The following NAV2 variants were observed in gnomAD, a reference collection of about 807,000 sequenced individuals.
NAV2 encodes the protein helicase, APC down-regulated 1.
In NAV2, 54 loss-of-function variants were observed where a neutral mutation model predicts 223.2. The observed-to-expected ratio is 0.24, with a 90% CI of 0.19 to 0.30. The LOEUF is 0.30. Among genes scored for constraint, NAV2 ranks in the 10% least tolerant of loss-of-function variants. NAV2 has a pLI of 1.00. For synonymous variants in NAV2, 1,279 were observed against 1,239.3 expected (o/e 1.03, Z -0.67); for missense variants, 2,806 against 3,147.5 (o/e 0.89, Z 2.60).
rs929149046 is a variant in NAV2, at chr11:19,462,896, A to G, written c.75+111869A>G. On this transcript the variant is annotated intron_variant, in intron 1 of 37. Coordinates refer to the NAV2 transcript ENST00000360655. Reference sequence around the variant, plus strand: ...GCCTCACTGCCCAGAAATTTTCCCTATATCAGCTCTGTTTCCAGGTGGGCC... The same window carrying G: ...GCCTCACTGCCCAGAAATTTTCCCTGTATCAGCTCTGTTTCCAGGTGGGCC... Among the ~76,000 whole-genome samples, 3 of 152,298 alleles carry G rather than the reference A, an allele frequency of 2.0e-5. No individual in the cohort carries two copies. In the East Asian group the frequency reaches 5.8e-4, roughly 29 times the overall value.
chr11:20,005,264 T>C (rs1172607557), intron 11 of NAV2, among the ~76,000 whole-genome samples: 1 of 149,420 alleles, frequency 6.7e-6, no homozygotes, highest in East Asian at 2.0e-4. Context: ...TTTTTTTTTT[T>C]TTTTGAGATG....
At chr11:19,552,599 A>G (rs895229872) in intron 1 of NAV2, among the ~76,000 whole-genome samples, 2 of 152,212 alleles carry the variant, frequency 1.3e-5, no homozygotes, top group African/African-American at 4.8e-5. Context: ...TCACAAGGCC[A>G]TGGAACAACA....
chr11:19,921,094 C>T (rs943463358), intron 6 of NAV2, among the ~76,000 whole-genome samples: 7 of 152,162 alleles, frequency 4.6e-5, no homozygotes, highest in African/African-American at 1.4e-4. Flanking sequence ...AAGAAGACAA[C>T]TGTCAGGTGA....
chr11:19,624,419 G>A (rs930355455), intron 1 of NAV2, among the ~76,000 whole-genome samples: 2 of 152,120 alleles, frequency 1.3e-5, no homozygotes, highest in Non-Finnish European at 1.5e-5. Flanking sequence ...CGAGCTTCCT[G>A]GCCACTTTGT....
At chr11:19,923,535 G>T (rs1271606902) in intron 6 of NAV2, among the ~76,000 whole-genome samples, 1 of 152,192 alleles carries the variant, frequency 6.6e-6, no homozygotes, top group Admixed American at 6.5e-5. Flanking sequence ...CCTATTTGGG[G>T]CTGCCCATCC....
intron 1 of NAV2, among the ~76,000 whole-genome samples, chr11:19,740,579 A>C (rs10766585): frequency 0.35 from 53,025 of 152,046 alleles, 10,150 homozygotes; most frequent in Middle Eastern, 0.46. Context: ...AAAAATAAAA[A>C]TAAAAATAAA....
At chr11:19,446,865 A>C (rs888832990) in intron 1 of NAV2, among the ~76,000 whole-genome samples, 1 of 152,154 alleles carries the variant, frequency 6.6e-6, no homozygotes, top group African/African-American at 2.4e-5. Context: ...ACAGATGTTG[A>C]TGTAGCCTGG....
chr11:19,396,865 G>C (rs1849470627), intron 1 of NAV2, among the ~76,000 whole-genome samples: 1 of 152,324 alleles, frequency 6.6e-6, no homozygotes, highest in South Asian at 2.1e-4. Flanking sequence ...CATGCTACCA[G>C]GCAAGGCATC....
At chr11:19,449,069 A>C (rs1029134128) in intron 1 of NAV2, among the ~76,000 whole-genome samples, 5 of 152,164 alleles carry the variant, frequency 3.3e-5, no homozygotes, top group Admixed American at 3.3e-4. Flanking sequence ...GCCTTGAGCA[A>C]GGCCTGAAAT....
At chr11:19,507,523 C>G (rs191486329) in intron 1 of NAV2, among the ~76,000 whole-genome samples, 9 of 152,284 alleles carry the variant, frequency 5.9e-5, no homozygotes, top group Non-Finnish European at 1.0e-4. Context: ...GGGTTTGAAT[C>G]TGCACTGTGT....
chr11:19,799,224 G>C (rs558853048), intron 1 of NAV2, among the ~76,000 whole-genome samples: 70 of 152,318 alleles, frequency 4.6e-4, no homozygotes, highest in African/African-American at 1.7e-3. Flanking sequence ...AGACCCTGCT[G>C]CTTCATCTTC....
chr11:20,057,724 G>A (rs2058454395), intron 19 of NAV2, among the ~76,000 whole-genome samples: 1 of 152,190 alleles, frequency 6.6e-6, no homozygotes, highest in Non-Finnish European at 1.5e-5. Context: ...ACCACGTCCA[G>A]TACTGAAACT....
At chr11:19,885,808 T>G (rs2040917378) in intron 5 of NAV2, among the ~76,000 whole-genome samples, 1 of 152,250 alleles carries the variant, frequency 6.6e-6, no homozygotes, top group Admixed American at 6.5e-5. Flanking sequence ...AAATCCATAC[T>G]CATGTCTGTC....
At chr11:19,625,933 C>A (rs1158280312) in intron 1 of NAV2, among the ~76,000 whole-genome samples, 2 of 151,966 alleles carry the variant, frequency 1.3e-5, no homozygotes, top group Non-Finnish European at 1.5e-5. Flanking sequence ...TGGATATTGA[C>A]CCCTTGTCAG....
intron 10 of NAV2, among the ~76,000 whole-genome samples, chr11:19,966,506 C>T (rs917571095): frequency 6.6e-6 from 1 of 152,210 alleles, no homozygotes; most frequent in African/African-American, 2.4e-5. Context: ...CCTTCATCCC[C>T]TCACTGACCA....
chr11:19,725,410 G>T (rs887627505), intron 1 of NAV2, among the ~76,000 whole-genome samples: 1 of 152,200 alleles, frequency 6.6e-6, no homozygotes, highest in Non-Finnish European at 1.5e-5. Context: ...AAAGCAACTT[G>T]TTTAAGGTCC....
chr11:19,757,157 T>C (rs2054301859), intron 1 of NAV2, among the ~76,000 whole-genome samples: 1 of 152,148 alleles, frequency 6.6e-6, no homozygotes, highest in Admixed American at 6.5e-5. Context: ...TATTTTAATG[T>C]TGTTTTGAAG....
At chr11:20,079,536 G>A (rs2059961001) in intron 24 of NAV2, among the ~76,000 whole-genome samples, 1 of 152,162 alleles carries the variant, frequency 6.6e-6, no homozygotes, top group Admixed American at 6.5e-5. Context: ...AGTCTATTGG[G>A]CCTCCCGAAA....
Position 19,892,621 on chromosome 11 carries a change from T to C in NAV2, c.931+27T>C, listed in dbSNP as rs1367387347. On this transcript the variant is annotated intron_variant, in intron 6 of 37. Transcript: ENST00000349880. The stretch of plus-strand genomic sequence containing the variant: ...TGAGTCACCTTCTTGAGGAGCCTTT[T>C]TGGTATTTTCCTTCAGAGCACATCT... The C allele has an allele frequency of 3.1e-6, 5 of 1,609,858 alleles. No individual in the cohort carries two copies. The Admixed American group carries it at 8.4e-5, about 27-fold the overall frequency.
Sources: allele counts gnomAD v4.1 joint callset (sites outside exome capture counted in the v4.1 genomes callset), GRCh38; gene constraint gnomAD v4.1.1; transcripts MANE v1.5; gene names NCBI Gene and HGNC (gene_info 2026-07-23, HGNC 2026-07-21).